Variants in ZNF609 observed in about 807,000 individuals in gnomAD.
ZNF609 encodes the protein zinc finger protein 609.
In ZNF609, 11 loss-of-function variants were observed where a neutral mutation model predicts 109.5. The ratio of observed to expected loss-of-function variants is 0.10; its 90% CI spans 0.06 to 0.17. The LOEUF (loss-of-function observed/expected upper bound fraction) is 0.17. Among genes scored for constraint, ZNF609 ranks in the 10% least tolerant of loss-of-function variants. The pLI, the probability that ZNF609 is intolerant of heterozygous loss-of-function variation, is 1.00. For synonymous variants in ZNF609, 646 were observed against 662.0 expected (o/e 0.98, Z 0.37); for missense variants, 1,559 against 1,772.4 (o/e 0.88, Z 2.16).
At chr15:64,560,095 G>T (rs1351183975) in intron 2 of ZNF609, among the ~76,000 whole-genome samples, 1 of 152,032 alleles carries the variant, frequency 6.6e-6, no homozygotes, top group Non-Finnish European at 1.5e-5. Context: ...CACCACGCTA[G>T]AGTGCAGTGG....
At chr15:64,600,137 G>A (rs1895470073) in intron 2 of ZNF609, among the ~76,000 whole-genome samples, 1 of 152,146 alleles carries the variant, frequency 6.6e-6, no homozygotes, top group African/African-American at 2.4e-5. Context: ...GGCCAACACA[G>A]CGAAACCCCA....
At chr15:64,470,766 C>T (rs1046038199) in intron 1 of ZNF609, among the ~76,000 whole-genome samples, 7 of 151,590 alleles carry the variant, frequency 4.6e-5, no homozygotes, top group Non-Finnish European at 8.8e-5. Flanking sequence ...ATGATCCACC[C>T]GCCTTGGCCT....
chr15:64,653,740 G>A (rs1160756248), intron 3 of ZNF609, among the ~76,000 whole-genome samples: 1 of 152,144 alleles, frequency 6.6e-6, no homozygotes, highest in African/African-American at 2.4e-5. Flanking sequence ...CACACAAGTA[G>A]AATATAGCTT....
At chr15:64,514,581 G>A (rs1390538432) in intron 2 of ZNF609, among the ~76,000 whole-genome samples, 1 of 151,554 alleles carries the variant, frequency 6.6e-6, no homozygotes, top group African/African-American at 2.4e-5. Flanking sequence ...GTCCTTTGAG[G>A]TATACCTTTC....
chr15:64,650,498 C>T (rs1320605469), intron 3 of ZNF609, among the ~76,000 whole-genome samples: 1 of 151,272 alleles, frequency 6.6e-6, no homozygotes, highest in Admixed American at 6.6e-5. Flanking sequence ...TCATGACAGA[C>T]AACATAAAAT....
rs144756871 is a variant in ZNF609, at chr15:64,499,572, G to A, written c.153G>A (p.Met51Ile). The A allele has an allele frequency of 2.5e-6, 4 of 1,614,066 alleles. No homozygotes were observed. Among genetic ancestry groups the A allele is most frequent in the Non-Finnish European group, 3.4e-6 (4 of 1,180,038 alleles). ...DLEKDQQKLEMSGSKEVGIPA... is the reference protein window; with the variant it reads ...DLEKDQQKLEISGSKEVGIPA... ...AAAAGGACCAGCAGAAACTGGAAATGTCAGGCTCAAAGGAGGTGGGGATAC... is the reference window on the plus strand; with the variant it reads ...AAAAGGACCAGCAGAAACTGGAAATATCAGGCTCAAAGGAGGTGGGGATAC... The change falls in exon 2 of 10, where the codon ATG becomes ATA. Residue 51 changes from methionine to isoleucine, a missense_variant. Physicochemically the swap from Met to Ile is conservative, Grantham distance 10. Transcript: ENST00000326648.
intron 2 of ZNF609, among the ~76,000 whole-genome samples, chr15:64,511,872 G>A (rs1893736982): frequency 6.6e-6 from 1 of 151,628 alleles, no homozygotes; most frequent in Non-Finnish European, 1.5e-5. Flanking sequence ...ACTCCACCAC[G>A]CCCAGCTAAT....
chr15:64,579,115 C>T (rs866193929), intron 2 of ZNF609, among the ~76,000 whole-genome samples: 5 of 151,760 alleles, frequency 3.3e-5, no homozygotes, highest in Non-Finnish European at 5.9e-5. Context: ...TTTTTTATGT[C>T]TTTTTTGTTC....
chr15:64,633,799 T>C (rs1019324385), intron 3 of ZNF609, among the ~76,000 whole-genome samples: 1 of 151,682 alleles, frequency 6.6e-6, no homozygotes, highest in African/African-American at 2.4e-5. Flanking sequence ...GAGAATCGCT[T>C]GAACCCGGGA....
chr15:64,584,403 A>G (rs995078806), intron 2 of ZNF609, among the ~76,000 whole-genome samples: 2 of 151,592 alleles, frequency 1.3e-5, no homozygotes, highest in African/African-American at 2.4e-5. Flanking sequence ...CGTGATCTCT[A>G]CTCACTGCCA....
chr15:64,487,077 C>T (rs1893343923), intron 1 of ZNF609, among the ~76,000 whole-genome samples: 1 of 152,082 alleles, frequency 6.6e-6, no homozygotes, highest in Non-Finnish European at 1.5e-5. Context: ...ATTTTTGGTG[C>T]AACTTTTTCC....
At chr15:64,643,577 G>A (rs76154488) in intron 3 of ZNF609, among the ~76,000 whole-genome samples, 7,028 of 152,184 alleles carry the variant, frequency 0.046, 540 homozygotes, top group African/African-American at 0.16. Flanking sequence ...TCTAGAGAGA[G>A]TAAAGAGGAC....
rs963732035 is a variant in ZNF609 at position 64,555,886 on chromosome 15, C to CAAAAAAAAAAAAAAAAAAAAAA, written c.747+55724_747+55745dup. On this transcript the variant is annotated intron_variant, in intron 2 of 9. Transcript: ENST00000326648. Reference sequence around the variant, plus strand: ...TGGGTGACAGAGCAAGACTCTGTCTCAAAAAAAAAAAAAAAAAAAAAAAAA... The same window carrying CAAAAAAAAAAAAAAAAAAAAAA: ...TGGGTGACAGAGCAAGACTCTGTCTCAAAAAAAAAAAAAAAAAAAAAAAAAAAAAAAAAAAAAAAAAAAAAAA... Among the ~76,000 whole-genome samples the CAAAAAAAAAAAAAAAAAAAAAA allele has an allele frequency of 5.1e-5, 2 of 38,936 alleles. 1 individual carries two copies. Among genetic ancestry groups the CAAAAAAAAAAAAAAAAAAAAAA allele is most frequent in the African/African-American group, 1.8e-4 (2 of 11,388 alleles). The allele number at this position is 38,936 out of a possible 152,430, so 25.5% of individuals were successfully genotyped here. A position where few individuals can be genotyped will look rare whatever the true frequency, so the allele number is the denominator to read the frequency against.
At chr15:64,658,583 C>T (rs1336490369) in intron 3 of ZNF609, among the ~76,000 whole-genome samples, 5 of 151,742 alleles carry the variant, frequency 3.3e-5, no homozygotes, top group Non-Finnish European at 7.4e-5. Flanking sequence ...CACACACACA[C>T]ATTATATATA....
chr15:64,552,579 CCT>C (rs1894501327), intron 2 of ZNF609, among the ~76,000 whole-genome samples: 1 of 152,086 alleles, frequency 6.6e-6, no homozygotes, highest in Non-Finnish European at 1.5e-5. Context: ...GTCTGGAACT[CCT>C]GACCTCAAGC....
Position 64,500,170 on chromosome 15 carries a change from A to G in ZNF609, c.747+4A>G. On this transcript the variant is annotated splice_donor_region_variant and intron_variant, in intron 2 of 9. Coordinates refer to ENST00000326648, the MANE Select transcript of ZNF609 (RefSeq NM_015042.2). ...AAAGAAAGTCAAGTCTGAAAAGGTA[A>G]GAGGTGGCCAGATATGGCTGCCCAC... is the stretch of plus-strand genomic sequence containing the variant. 6.2e-7 allele frequency: 1 copy of G among 1,612,254 alleles called. No individual in the cohort carries two copies. Among genetic ancestry groups the G allele is most frequent in the Non-Finnish European group, 8.5e-7 (1 of 1,179,756 alleles).
At chr15:64,611,232 C>T (rs1213068602) in intron 2 of ZNF609, among the ~76,000 whole-genome samples, 6 of 152,142 alleles carry the variant, frequency 3.9e-5, no homozygotes, top group Admixed American at 1.3e-4. Context: ...CTATGGTAAA[C>T]ATACAGTCAG....
chr15:64,476,963 A>C (rs1038939694), intron 1 of ZNF609, among the ~76,000 whole-genome samples: 1 of 151,930 alleles, frequency 6.6e-6, no homozygotes, highest in Non-Finnish European at 1.5e-5. Context: ...TAAAGCGTGA[A>C]TTTTCAGGTT....
intron 3 of ZNF609, among the ~76,000 whole-genome samples, chr15:64,632,416 G>A (rs886355216): frequency 1.3e-5 from 2 of 151,998 alleles, no homozygotes; most frequent in East Asian, 1.9e-4. Flanking sequence ...TGAAAATTAC[G>A]TGGAATTCAA....
Sources: gnomAD v4.1 joint callset for allele counts (sites outside exome capture counted in the v4.1 genomes callset) on GRCh38, gnomAD v4.1.1 for gene constraint, MANE v1.5 for transcripts, NCBI Gene and HGNC (gene_info 2026-07-23, HGNC 2026-07-21) for gene names.